The following CENPF variants were observed in gnomAD, a reference collection of about 807,000 sequenced individuals.
CENPF encodes the protein centromere protein F.
A neutral mutation model predicts 307.3 loss-of-function variants in CENPF; 214 were observed. The observed-to-expected ratio is 0.70, with a 90% CI of 0.62 to 0.78. The LOEUF (loss-of-function observed/expected upper bound fraction) is 0.78. Among genes scored for constraint, CENPF ranks in the 30% least tolerant of loss-of-function variants. The pLI, the probability that CENPF is intolerant of heterozygous loss-of-function variation, is 0.00. For missense variants in CENPF, 3,401 were observed against 3,483.9 expected (o/e 0.98, Z 0.60); for synonymous variants, 1,259 against 1,270.6 (o/e 0.99, Z 0.19).
At chr1:214,614,600 A>G (rs1657286344) in intron 2 of CENPF, among the ~76,000 whole-genome samples, 1 of 152,022 alleles carries the variant, frequency 6.6e-6, no homozygotes, top group South Asian at 2.1e-4. Context: ...GATAGTAAAG[A>G]CTCCCTTTCT....
intron 1 of CENPF, chr1:214,613,068 G>C: frequency 2.9e-6 from 1 of 340,644 alleles, no homozygotes; most frequent in South Asian, 3.5e-5. Flanking sequence ...CATGAATTCT[G>C]CCATTTTGCT....
intron 14 of CENPF, among the ~76,000 whole-genome samples, chr1:214,650,202 G>A (rs937703680): frequency 6.6e-6 from 1 of 152,140 alleles, no homozygotes; most frequent in Admixed American, 6.5e-5. Context: ...CCAGGCAGTG[G>A]TGGGGAGCCT....
rs1338083692 is a variant in CENPF, at chr1:214,647,354, A to G, written c.7784A>G (p.Asn2595Ser). ...VLQSSYKNLE[N>S]ELELTKMDKM... ...CAGAGTTCTTACAAGAATCTAGAGA[A>G]TGAGCTTGAATTGACAAAAATGGAC... The change falls in exon 13 of 20, where the codon AAT (asparagine) becomes AGT (serine). Residue 2595 changes from asparagine (N) to serine (S), a missense_variant. Coordinates refer to ENST00000366955, the MANE Select transcript of CENPF (RefSeq NM_016343.4). 6.2e-7 allele frequency: 1 copy of G among 1,610,670 alleles called. No individual in the cohort carries two copies. The highest frequency in any genetic ancestry group is 1.3e-5 in the African/African-American group (1 of 74,766).
chr1:214,657,276 A>C lies in CENPF; in HGVS notation c.8829A>C (p.Arg2943Ser). 1 of 1,614,148 alleles carries C rather than the reference A, an allele frequency of 6.2e-7. No homozygotes were observed. Among genetic ancestry groups the C allele is most frequent in the Non-Finnish European group, 8.5e-7 (1 of 1,180,004 alleles). Residue 2943 changes from arginine to serine, a missense_variant, in exon 18 of 20, where the codon AGA becomes AGC. Arg to Ser is a moderately radical substitution (Grantham distance 110, BLOSUM62 -1). Transcript: ENST00000366955. ...CCAGTGGAATATGGGAGAATGGTAG[A>C]GGACCAACACCTGCTACCCCAGAGA... ...QRSSGIWENGRGPTPATPESF... is the reference protein window; with the variant it reads ...QRSSGIWENGSGPTPATPESF...
chr1:214,606,574 C>T (rs555319138), intron 1 of CENPF, among the ~76,000 whole-genome samples: 1 of 152,172 alleles, frequency 6.6e-6, no homozygotes, highest in South Asian at 2.1e-4. Context: ...AGCTGTGTCC[C>T]CAAATGTCTC....
Position 214,657,041 on chromosome 1 carries a change from G to C in CENPF, c.8594G>C (p.Cys2865Ser), listed in dbSNP as rs762524680. 2 of 1,613,914 alleles carry C rather than the reference G, an allele frequency of 1.2e-6. No homozygotes were observed. Among genetic ancestry groups the C allele is most frequent in the Non-Finnish European group, 1.7e-6 (2 of 1,179,940 alleles). The stretch of plus-strand genomic sequence containing the variant: ...GCAGATGAATACTTGGATAAGTACT[G>C]TTCCTTGCTTATAAGCCATGAAAAG... ...KEADEYLDKY[C>S]SLLISHEKLE... Residue 2865 changes from cysteine (C) to serine (S), a missense_variant, in exon 18 of 20, where the codon TGT becomes TCT. Coordinates refer to ENST00000366955, the MANE Select transcript of CENPF (RefSeq NM_016343.4).
chr1:214,615,853 C>T (rs200794711), intron 3 of CENPF, among the ~76,000 whole-genome samples: 1 of 151,960 alleles, frequency 6.6e-6, no homozygotes, highest in African/African-American at 2.4e-5. Flanking sequence ...GCAGGAGAAT[C>T]GCTTGAACCT....
intron 8 of CENPF, 88 bp from the exon 9 acceptor site, chr1:214,630,446 C>T (rs1216733351): frequency 1.3e-6 from 2 of 1,498,418 alleles, no homozygotes; most frequent in Non-Finnish European, 1.8e-6. Context: ...GCTCTCTGTG[C>T]AGTCGCCTGT....
chr1:214,610,548 C>T (rs768110508), intron 1 of CENPF, among the ~76,000 whole-genome samples: 94 of 144,026 alleles, frequency 6.5e-4, no homozygotes, highest in Non-Finnish European at 1.2e-3. Context: ...TTGTTTTTCT[C>T]TTGTAAATTT....
At chr1:214,606,048 A>G (rs938936741) in intron 1 of CENPF, 1 of 1,595,120 alleles carries the variant, frequency 6.3e-7, no homozygotes, top group African/African-American at 1.3e-5. Flanking sequence ...CTCTGCCCGT[A>G]CAGGATGATG....
intron 13 of CENPF, among the ~76,000 whole-genome samples, chr1:214,648,287 T>C (rs142856522): frequency 0.026 from 4,000 of 152,304 alleles, 69 homozygotes; most frequent in Non-Finnish European, 0.04. Context: ...ATCATAAGCA[T>C]GTTTATTGCA....
intron 5 of CENPF, among the ~76,000 whole-genome samples, chr1:214,619,481 T>C (rs1657448796): frequency 2.6e-5 from 4 of 152,204 alleles, no homozygotes. Context: ...TATTTCCCTA[T>C]TAAGACCTAG....
At chr1:214,631,602 T>A (rs1657810263) in intron 9 of CENPF, among the ~76,000 whole-genome samples, 1 of 152,076 alleles carries the variant, frequency 6.6e-6, no homozygotes, top group South Asian at 2.1e-4. Context: ...CGGGTTTGAG[T>A]GATTCTCCTG....
chr1:214,648,356 T>C, intron 13 of CENPF: 1 of 439,220 alleles, frequency 2.3e-6, no homozygotes, highest in Non-Finnish European at 4.3e-6. Flanking sequence ...TACTGCCTGA[T>C]AATGATAATC....
chr1:214,629,082 G>T lies in CENPF; in HGVS notation c.1105G>T (p.Glu369Ter). 6.2e-7 allele frequency: 1 copy of T among 1,610,964 alleles called. No individual in the cohort carries two copies. Reference protein sequence around the residue: ...ALEQKLKKLTEDLSCQRQNAE... With the variant: ...ALEQKLKKLT ...GGAACAAAAACTGAAAAAATTGACG[G>T]AAGATTTGAGTTGTCAGCGACAAAA... The change falls in exon 8 of 20, where the codon GAA becomes TAA. Residue 369 changes from glutamate (E) to a stop codon, truncating the protein, a stop_gained. Coordinates refer to ENST00000366955, the MANE Select transcript of CENPF (RefSeq NM_016343.4). LOFTEE classifies it high-confidence loss of function.
At chr1:214,652,407 C>T (rs1333267215) in intron 15 of CENPF, among the ~76,000 whole-genome samples, 3 of 150,864 alleles carry the variant, frequency 2.0e-5, no homozygotes, top group Admixed American at 6.6e-5. Flanking sequence ...TCGAAATAGT[C>T]CTTGGAAAGG....
rs949593652 is a variant in CENPF, at chr1:214,608,321, G to A, written c.-42+5000G>A. The A allele has an allele frequency of 4.4e-6, 7 of 1,595,316 alleles. No individual in the cohort carries two copies. The East Asian group carries it at 6.8e-5, about 15-fold the overall frequency. ...CCCCAGGGTTGCCCTCACCTGGTGCGCAGGGCCTGCCAGGCGGCGTCGATG... is the reference window on the plus strand; with the variant it reads ...CCCCAGGGTTGCCCTCACCTGGTGCACAGGGCCTGCCAGGCGGCGTCGATG... On this transcript the variant is annotated intron_variant, in intron 1 of 19. Transcript: ENST00000366955.
At chr1:214,658,221 CTGAA>C (rs2102420934) in intron 18 of CENPF, among the ~76,000 whole-genome samples, 1 of 152,278 alleles carries the variant, frequency 6.6e-6, no homozygotes, top group South Asian at 2.1e-4. Flanking sequence ...TTAGTTAGCC[CTGAA>C]TGCAGTTCTG....
In CENPF at chr1:214,640,568, A is replaced by G. The variant is rs767358763; in HGVS notation, c.2230A>G (p.Asn744Asp). Residue 744 changes from asparagine (N) to aspartate (D), a missense_variant, in exon 12 of 20, where the codon AAT becomes GAT. Physicochemically the swap from Asn to Asp is conservative, Grantham distance 23. Transcript: ENST00000366955. ...AGAACACAAGCTTCAGTTACTGTCAAATGAAATAATGGACAAAGACCGGTG... is the reference window on the plus strand; with the variant it reads ...AGAACACAAGCTTCAGTTACTGTCAGATGAAATAATGGACAAAGACCGGTG... ...DLEHKLQLLS[N>D]EIMDKDRCYQ... 14 of 1,613,986 alleles carry G rather than the reference A, an allele frequency of 8.7e-6. No individual in the cohort carries two copies. The highest frequency in any genetic ancestry group is 5.3e-5 in the African/African-American group (4 of 74,942).
Sources: allele counts gnomAD v4.1 joint callset (sites outside exome capture counted in the v4.1 genomes callset), GRCh38; gene constraint gnomAD v4.1.1; transcripts MANE v1.5; gene names NCBI Gene and HGNC (gene_info 2026-07-23, HGNC 2026-07-21).